The following EXT2 variants were observed in gnomAD, a reference collection of about 807,000 sequenced individuals.
The protein encoded by EXT2 is exostosin-2.
Under a neutral mutation model 81.6 loss-of-function variants are expected in EXT2, and 53 were observed. The ratio of observed to expected loss-of-function variants is 0.65; its 90% CI spans 0.52 to 0.82. The LOEUF (loss-of-function observed/expected upper bound fraction) is 0.82, where lower values mean the gene tolerates loss of function less well. Ranked by LOEUF, EXT2 falls within the 40% of genes least tolerant of loss-of-function variation. The pLI is 0.00. For synonymous variants in EXT2, 320 were observed against 340.0 expected (o/e 0.94, Z 0.65); for missense variants, 774 against 910.2 (o/e 0.85, Z 1.93).
chr11:44,111,424 A>G (rs1290451100), intron 3 of EXT2, among the ~76,000 whole-genome samples: 3 of 152,220 alleles, frequency 2.0e-5, no homozygotes, highest in East Asian at 1.9e-4. Context: ...TCTTTTTTCT[A>G]TGGATTTAGA....
chr11:44,206,956 T>A lies in EXT2; in HGVS notation c.1659T>A (p.Tyr553Ter). The change falls in exon 10 of 14, where the codon TAT (tyrosine) becomes TAA (stop). Residue 553 changes from tyrosine (Y) to a stop codon, truncating the protein, a stop_gained. Coordinates refer to ENST00000533608, the MANE Select transcript of EXT2 (RefSeq NM_207122.2). LOFTEE classifies it high-confidence loss of function. ...MLTSDELQFG[Y>*]EVWREFPDRL... ...CCTCTGACGAGCTGCAATTTGGTTA[T>A]GAGGTAAGGAGGTTTTACACAGTGT... The A allele has an allele frequency of 6.2e-7, 1 of 1,614,062 alleles. No individual in the cohort carries two copies.
intron 7 of EXT2, among the ~76,000 whole-genome samples, chr11:44,162,596 A>AT (rs1954942200): frequency 1.3e-5 from 2 of 151,166 alleles, no homozygotes; most frequent in East Asian, 1.9e-4. Context: ...AAAAAAAAAA[A>AT]GCAGTTACCA....
At chr11:44,103,335 C>T (rs1407735119) in intron 1 of EXT2, among the ~76,000 whole-genome samples, 1 of 152,010 alleles carries the variant, frequency 6.6e-6, no homozygotes, top group East Asian at 1.9e-4. Flanking sequence ...CTTAAAAAAA[C>T]ACAGTTGGAT....
chr11:44,237,904 A>T, intron 13 of EXT2, among the ~76,000 whole-genome samples: 1 of 107,390 alleles, frequency 9.3e-6, no homozygotes, highest in African/African-American at 3.5e-5. Context: ...TCTCTACTTA[A>T]AAAAAAAAAA....
intron 7 of EXT2, among the ~76,000 whole-genome samples, chr11:44,152,266 G>C (rs987689635): frequency 1.3e-5 from 2 of 152,088 alleles, no homozygotes; most frequent in Non-Finnish European, 2.9e-5. Context: ...TATATCTTTG[G>C]TATTGTACCT....
At chr11:44,177,466 A>G (rs1475988691) in intron 8 of EXT2, among the ~76,000 whole-genome samples, 4 of 152,086 alleles carry the variant, frequency 2.6e-5, no homozygotes, top group Non-Finnish European at 5.9e-5. Context: ...CACCCTCCTC[A>G]TTTTACTTCT....
chr11:44,192,760 C>T (rs567878859), intron 8 of EXT2, among the ~76,000 whole-genome samples: 2 of 152,256 alleles, frequency 1.3e-5, no homozygotes, highest in East Asian at 3.9e-4. Flanking sequence ...AAGACTAGTA[C>T]ATGGCAAGGC....
rs2134965539 is a variant in EXT2 at position 44,107,812 on chromosome 11, C to T, written c.100C>T (p.Leu34Phe). The change falls in exon 2 of 14, where the codon CTC (leucine) becomes TTC (phenylalanine). Residue 34 changes from leucine (L) to phenylalanine (F), a missense_variant. Leu to Phe is a conservative substitution (Grantham distance 22, BLOSUM62 0). This residue lies in a region of EXT2 where 626 missense variants were observed against 670.5 expected (regional missense o/e 0.93). Coordinates refer to ENST00000533608, the MANE Select transcript of EXT2 (RefSeq NM_207122.2). The part of the protein sequence containing the change: ...IYYITLFSIV[L>F]LGLIATGMFQ... ...CTATATCACCCTCTTCTCCATTGTCCTCCTGGGCCTCATTGCCACTGGCAT... is the reference window on the plus strand; with the variant it reads ...CTATATCACCCTCTTCTCCATTGTCTTCCTGGGCCTCATTGCCACTGGCAT... 6.2e-7 allele frequency: 1 copy of T among 1,614,128 alleles called. No homozygotes were observed. Among genetic ancestry groups the T allele is most frequent in the Non-Finnish European group, 8.5e-7 (1 of 1,180,046 alleles).
At chr11:44,101,944 TAAA>T (rs71035677) in intron 1 of EXT2, among the ~76,000 whole-genome samples, 2 of 131,142 alleles carry the variant, frequency 1.5e-5, no homozygotes. Context: ...GTATAATCAG[TAAA>T]AAAAAAAAAA....
chr11:44,175,362 CTTTCTTTTTTTTTCTTTTTTTTCTT>C (rs1322080762), intron 8 of EXT2, among the ~76,000 whole-genome samples: 1 of 151,820 alleles, frequency 6.6e-6, no homozygotes, highest in African/African-American at 2.4e-5. Context: ...CACAATCTAC[CTTTCTTTTTTTTTCTTTTTTTTCTT>C]TTTCTTTTTT....
intron 3 of EXT2, among the ~76,000 whole-genome samples, chr11:44,109,842 G>A (rs1954117821): frequency 6.6e-6 from 1 of 152,074 alleles, no homozygotes; most frequent in Non-Finnish European, 1.5e-5. Flanking sequence ...GGTATGGGGT[G>A]GCCATGACTG....
intron 10 of EXT2, among the ~76,000 whole-genome samples, chr11:44,208,312 G>A (rs7120281): frequency 0.6 from 91,253 of 151,856 alleles, 27,703 homozygotes; most frequent in Middle Eastern, 0.72. Context: ...TGTTCAAAAC[G>A]ACATGACCAA....
At chr11:44,168,347 A>C (rs1037392910) in intron 7 of EXT2, among the ~76,000 whole-genome samples, 3 of 152,198 alleles carry the variant, frequency 2.0e-5, no homozygotes, top group African/African-American at 7.2e-5. Context: ...TACATGAGAT[A>C]TATTGAAAAC....
chr11:44,167,716 G>A lies in EXT2; in HGVS notation c.1174-3895G>A, dbSNP rs550457925. Among the ~76,000 whole-genome samples, 11 of 152,256 alleles carry A rather than the reference G, an allele frequency of 7.2e-5. No individual in the cohort carries two copies. In the East Asian group the frequency reaches 2.1e-3, roughly 29 times the overall value. On this transcript the variant is annotated intron_variant, in intron 7 of 13. Transcript: ENST00000533608. ...AAATGACCAAAATGAAGAGAAAAAC[G>A]ACAGTAGAAAGATATCTACAGGTGA...
At chr11:44,172,268 A>G (rs987949252) in intron 8 of EXT2, among the ~76,000 whole-genome samples, 1 of 152,178 alleles carries the variant, frequency 6.6e-6, no homozygotes, top group Non-Finnish European at 1.5e-5. Flanking sequence ...GCTTCTAGCT[A>G]CTTCCAGCAA....
intron 13 of EXT2, among the ~76,000 whole-genome samples, chr11:44,241,059 G>T (rs541632351): frequency 6.6e-6 from 1 of 152,338 alleles, no homozygotes; most frequent in Middle Eastern, 3.4e-3. Flanking sequence ...GTGTGACCTT[G>T]TGTTGGGTTT....
chr11:44,108,287 T>C (rs770499949), intron 2 of EXT2, 39 bp downstream of exon 2: 19 of 1,597,750 alleles, frequency 1.2e-5, no homozygotes, highest in Non-Finnish European at 1.6e-5. Context: ...CAGGAGATAC[T>C]TGAGTGGCCC....
intron 7 of EXT2, chr11:44,144,132 C>A: frequency 1.2e-6 from 1 of 858,664 alleles, no homozygotes. Context: ...GCATAGCAAA[C>A]ATGGAAAATC....
chr11:44,108,869 G>A (rs1005559018), intron 2 of EXT2, among the ~76,000 whole-genome samples: 1 of 152,140 alleles, frequency 6.6e-6, no homozygotes. Flanking sequence ...TTTTGCAGAT[G>A]TTCTACCATA....
Sources: gnomAD v4.1 joint callset for allele counts (sites outside exome capture counted in the v4.1 genomes callset) on GRCh38, gnomAD v4.1.1 for gene constraint, gnomAD v4.1.1 regional missense constraint, MANE v1.5 for transcripts, NCBI Gene and HGNC (gene_info 2026-07-23, HGNC 2026-07-21) for gene names.